The following CFH variants were observed in gnomAD, a reference collection of about 807,000 sequenced individuals.
CFH encodes H factor 1 (complement).
In CFH, 53 loss-of-function variants were observed where a neutral mutation model predicts 147.3. The observed-to-expected ratio is 0.36, with a 90% CI of 0.29 to 0.45. The LOEUF is 0.45. Among genes scored for constraint, CFH ranks in the 20% least tolerant of loss-of-function variants. The pLI is 1.00. For synonymous variants in CFH, 536 were observed against 489.4 expected (o/e 1.10, Z -1.26); for missense variants, 1,380 against 1,498.0 (o/e 0.92, Z 1.30).
chr1:196,674,004 A>G, intron 3 of CFH, 42 bp downstream of exon 3: 1 of 1,283,984 alleles, frequency 7.8e-7, no homozygotes, highest in Non-Finnish European at 1.1e-6. Flanking sequence ...TTAAGATAGT[A>G]AATAGGAACT....
Position 196,679,517 on chromosome 1 carries a change from CT to C in CFH, c.620-105del, listed in dbSNP as rs1667578209. ...CAAAACAGAACTTTTGTTTGGTTGA[CT>C]GATTTACCTGATGGAAACAACATTT... On this transcript the variant is annotated intron_variant, in intron 5 of 21. Transcript: ENST00000367429. 3.7e-6 allele frequency: 3 copies of C among 806,586 alleles called. 1 individual carries two copies. The South Asian group carries it at 5.1e-5, about 14-fold the overall frequency. 50.0% of individuals were successfully genotyped at this position (806,586 alleles called of 1,614,324 possible). A position where few individuals can be genotyped will look rare whatever the true frequency, so the allele number is the denominator to read the frequency against.
chr1:196,741,395 T>C (rs964527830), intron 18 of CFH: 3 of 179,646 alleles, frequency 1.7e-5, no homozygotes, highest in African/African-American at 7.2e-5. Flanking sequence ...GAGGAGTGAG[T>C]GAAGGAGGAA....
chr1:196,657,922 A>G (rs1339895657), intron 1 of CFH, among the ~76,000 whole-genome samples: 5 of 152,168 alleles, frequency 3.3e-5, no homozygotes, highest in Admixed American at 3.3e-4. Context: ...ATCATGATTT[A>G]TTTCATTTGA....
At chr1:196,746,408 G>A (rs1247629654) in intron 21 of CFH, among the ~76,000 whole-genome samples, 1 of 152,254 alleles carries the variant, frequency 6.6e-6, no homozygotes, top group Non-Finnish European at 1.5e-5. Context: ...CCGAGTTCGC[G>A]CCACTGCACT....
intron 9 of CFH, among the ~76,000 whole-genome samples, chr1:196,704,421 A>C (rs562403059): frequency 6.6e-6 from 1 of 152,284 alleles, no homozygotes; most frequent in East Asian, 1.9e-4. Flanking sequence ...AGTACTCTTA[A>C]CCAAACTAAA....
In CFH at chr1:196,728,336, T is replaced by C. The variant is rs757198104; in HGVS notation, c.2237-10T>C. 7.2e-7 allele frequency: 1 copy of C among 1,383,716 alleles called. No individual in the cohort carries two copies. Among genetic ancestry groups the C allele is most frequent in the Non-Finnish European group, 9.7e-7 (1 of 1,026,462 alleles). 85.7% of individuals were successfully genotyped at this position (1,383,716 alleles called of 1,614,324 possible). The stretch of plus-strand genomic sequence containing the variant: ...ATTTGAATTTTCATAAAAATATATT[T>C]ATTTTATAGCAATAGATAAACTTAA... On this transcript the variant is annotated splice_polypyrimidine_tract_variant and intron_variant, in intron 14 of 21. Transcript: ENST00000367429.
chr1:196,656,217 T>G (rs1450592501), intron 1 of CFH, among the ~76,000 whole-genome samples: 1 of 151,578 alleles, frequency 6.6e-6, no homozygotes, highest in Non-Finnish European at 1.5e-5. Flanking sequence ...GGCAGGAGAA[T>G]TGCTTGAATC....
chr1:196,654,418 A>G (rs1666613077), intron 1 of CFH, among the ~76,000 whole-genome samples: 1 of 152,106 alleles, frequency 6.6e-6, no homozygotes. Context: ...CCAATTGTGT[A>G]GGAACGTTAA....
At chr1:196,742,592 G>C (rs1375965536) in intron 19 of CFH, among the ~76,000 whole-genome samples, 1 of 152,106 alleles carries the variant, frequency 6.6e-6, no homozygotes, top group African/African-American at 2.4e-5. Context: ...AAGTGTGGTC[G>C]CTAAACCGGT....
intron 1 of CFH, among the ~76,000 whole-genome samples, chr1:196,669,729 G>A (rs561901974): frequency 6.6e-6 from 1 of 152,320 alleles, no homozygotes; most frequent in East Asian, 1.9e-4. Context: ...CTCTACTAGG[G>A]CAATGAGCAA....
At chr1:196,652,260 A>G (rs1383048299) in intron 1 of CFH, 85 bp downstream of exon 1, 1 of 1,085,166 alleles carries the variant, frequency 9.2e-7, no homozygotes, top group African/African-American at 1.6e-5. Context: ...TAAAAATTTG[A>G]TTTAGAAAAT....
chr1:196,734,219 T>C (rs1280845614), intron 15 of CFH, among the ~76,000 whole-genome samples: 2 of 152,274 alleles, frequency 1.3e-5, no homozygotes, highest in African/African-American at 4.8e-5. Context: ...ACTTGTTCAA[T>C]GTGAATGTTG....
rs566045506 is a variant in CFH at position 196,652,292 on chromosome 1, T to G, written c.58+117T>G. 7.8e-6 allele frequency: 6 copies of G among 765,296 alleles called. No homozygotes were observed. The South Asian group carries it at 9.6e-5, about 12-fold the overall frequency. The allele number at this position is 765,296 out of a possible 1,614,324, so 47.4% of individuals were successfully genotyped here. ...AAATGTGCTTAAGTATTCTGTAACTTGACAATTGAGTGGCTTTTGACATTG... is the reference window on the plus strand; with the variant it reads ...AAATGTGCTTAAGTATTCTGTAACTGGACAATTGAGTGGCTTTTGACATTG... On this transcript the variant is annotated intron_variant, in intron 1 of 21. Coordinates refer to ENST00000367429, the MANE Select transcript of CFH (RefSeq NM_000186.4).
At chr1:196,702,158 C>G (rs146217182) in intron 9 of CFH, among the ~76,000 whole-genome samples, 1 of 152,086 alleles carries the variant, frequency 6.6e-6, no homozygotes, top group Admixed American at 6.6e-5. Context: ...ATGACTCACC[C>G]CCCTCCACTT....
chr1:196,662,785 G>C (rs1666951323), intron 1 of CFH, among the ~76,000 whole-genome samples: 1 of 152,014 alleles, frequency 6.6e-6, no homozygotes, highest in Non-Finnish European at 1.5e-5. Flanking sequence ...GGGGGGCTGA[G>C]GCAGGGGACC....
chr1:196,670,309 T>C (rs1193063362), intron 1 of CFH, among the ~76,000 whole-genome samples: 1 of 152,118 alleles, frequency 6.6e-6, no homozygotes, highest in Non-Finnish European at 1.5e-5. Context: ...TGATTATGTT[T>C]TGAAATGTGA....
chr1:196,656,990 G>A (rs1250449235), intron 1 of CFH, among the ~76,000 whole-genome samples: 3 of 151,898 alleles, frequency 2.0e-5, no homozygotes, highest in African/African-American at 7.2e-5. Flanking sequence ...TTGTTTGTTT[G>A]TTTTGAGACA....
At position 196,652,082 on chromosome 1, in the gene CFH, G is replaced by C. The variant is rs140356702; in HGVS notation, c.-36G>C. 1,051 of 1,450,416 alleles carry C rather than the reference G, an allele frequency of 7.2e-4. 5 individuals carry two copies. In the African/African-American group the frequency reaches 0.013, roughly 18 times the overall value. The allele number at this position is 1,450,416 out of a possible 1,614,324, so 89.8% of individuals were successfully genotyped here. ...AGGAGAACTGGACGTTGTGAACAGA[G>C]TTAGCTGGTAAATGTCCTCTTAAAA... On this transcript the variant is annotated 5_prime_UTR_variant, in exon 1 of 22. Transcript: ENST00000367429.
At chr1:196,724,561 G>C (rs974324653) in intron 11 of CFH, among the ~76,000 whole-genome samples, 1 of 152,146 alleles carries the variant, frequency 6.6e-6, no homozygotes, top group Non-Finnish European at 1.5e-5. Context: ...CAGGGTCCTA[G>C]TCAACCTTTG....
Sources: allele counts gnomAD v4.1 joint callset (sites outside exome capture counted in the v4.1 genomes callset), GRCh38; gene constraint gnomAD v4.1.1; transcripts MANE v1.5; gene names NCBI Gene and HGNC (gene_info 2026-07-23, HGNC 2026-07-21).